COX7A1: variants seen among roughly 807,000 people sequenced by gnomAD.
The protein encoded by COX7A1 is cytochrome c oxidase subunit 7A1, mitochondrial.
A neutral mutation model predicts 13.2 loss-of-function variants in COX7A1; 21 were observed. The observed-to-expected ratio is 1.59, with a 90% confidence interval of 1.13 to 2.29. COX7A1 has a LOEUF of 2.29. COX7A1 is among the 30% of genes most tolerant of loss of function. The probability of loss-of-function intolerance (pLI) is 0.00; values close to 1 mark genes in which losing one functional copy is unlikely to be tolerated. For synonymous variants in COX7A1, 41 were observed against 41.9 expected (o/e 0.98, Z 0.08); for missense variants, 107 against 100.0 (o/e 1.07, Z -0.30).
intron 3 of COX7A1, among the ~76,000 whole-genome samples, 169 bp downstream of exon 3, chr19:36,151,293 A>G (rs2145938591): frequency 6.6e-6 from 1 of 151,440 alleles, no homozygotes; most frequent in Non-Finnish European, 1.5e-5. Flanking sequence ...AAGAGCCCAA[A>G]CCCTAGTTAC....
intron 1 of COX7A1, 73 bp downstream of exon 1, chr19:36,152,320 G>A (rs1292830947): frequency 9.7e-6 from 11 of 1,132,334 alleles, no homozygotes; most frequent in Non-Finnish European, 1.2e-6. Flanking sequence ...AGATGCGGGG[G>A]CACTTGGAGA....
Position 36,151,654 on chromosome 19 carries a change from CCCCCGA to C in COX7A1, c.102+9_102+14del. The C allele has an allele frequency of 3.0e-5, 43 of 1,428,916 alleles. No homozygotes were observed. The highest frequency in any genetic ancestry group is 3.5e-5 in the Non-Finnish European group (37 of 1,055,896). The allele number at this position is 1,428,916 out of a possible 1,614,324, so 88.5% of individuals were successfully genotyped here. A position where few individuals can be genotyped will look rare whatever the true frequency, so the allele number is the denominator to read the frequency against. On this transcript the variant is annotated intron_variant, in intron 2 of 3. Transcript: ENST00000292907. ...CGGCTGGCGCGTCGGATCCCCACCC[CCCCCGA>C]CCCCCCACCTGGAAGAGCTTCTGTT...
In COX7A1 at chr19:36,151,437, C is replaced by A. The variant is rs185906339; in HGVS notation, c.187+25G>T. 5.1e-4 allele frequency: 828 copies of A among 1,613,406 alleles called. 7 individuals are homozygous for A. In the African/African-American group the frequency reaches 9.7e-3, roughly 19 times the overall value. On this transcript the variant is annotated intron_variant, in intron 3 of 3. Transcript: ENST00000292907. ...TCTGGGTCCAGCCCCGCCTCCCCCG[C>A]AGCCCAGACGGGCCCTGCGCTCACC...
Position 36,152,442 on chromosome 19 carries a change from T to A in COX7A1, c.-35A>T. ...TCCTCTTCCGCCGGAGTCACCTCCC[T>A]TCTCCGCCCAAGGACACGCGTAGTC... On this transcript the variant is annotated 5_prime_UTR_variant, in exon 1 of 4. In the 5' UTR this introduces an upstream ATG that the reference lacks. Coordinates refer to ENST00000292907, the MANE Select transcript of COX7A1 (RefSeq NM_001864.4). 1.5e-6 allele frequency: 2 copies of A among 1,330,380 alleles called. No individual in the cohort carries two copies. The highest frequency in any genetic ancestry group is 1.9e-6 in the Non-Finnish European group (2 of 1,028,922). The allele number at this position is 1,330,380 out of a possible 1,614,324, so 82.4% of individuals were successfully genotyped here.
chr19:36,151,908 G>T (rs1054290823), intron 1 of COX7A1, 153 bp from the exon 2 acceptor site: 4 of 778,256 alleles, frequency 5.1e-6, no homozygotes, highest in South Asian at 1.5e-5. Context: ...TGTTACCCGC[G>T]AACTGCCAGC....
intron 1 of COX7A1, chr19:36,152,083 C>T: frequency 1.7e-6 from 1 of 594,412 alleles, no homozygotes. Context: ...AACCAGGTCC[C>T]GGGAACGTGG....
In COX7A1 at chr19:36,151,824, C is replaced by T. The variant is rs1305374241; in HGVS notation, c.16-69G>A. ...GTGTCCTGAAGTGGGACCCCGCTCT[C>T]TGAGGCCTGGACGTGGGGACAGCCC... On this transcript the variant is annotated intron_variant, in intron 1 of 3. Transcript: ENST00000292907. 2.2e-6 allele frequency: 3 copies of T among 1,348,032 alleles called. No homozygotes were observed. In the African/African-American group the frequency reaches 4.3e-5, roughly 20 times the overall value. The allele number at this position is 1,348,032 out of a possible 1,614,324, so 83.5% of individuals were successfully genotyped here.
In COX7A1 at chr19:36,151,557, G is replaced by A. The variant is rs769604961; in HGVS notation, c.103-11C>T. ...GATGTCATTGTCCTCCTGGATGTGG[G>A]GGTGTCTGATGAGAAAGGGGTGCTG... is the stretch of plus-strand genomic sequence containing the variant. On this transcript the variant is annotated splice_polypyrimidine_tract_variant and intron_variant, in intron 2 of 3. Transcript: ENST00000292907. 5.6e-6 allele frequency: 9 copies of A among 1,614,158 alleles called. No homozygotes were observed. Among genetic ancestry groups the A allele is most frequent in the Non-Finnish European group, 7.6e-6 (9 of 1,180,000 alleles).
Position 36,151,651 on chromosome 19 carries a change from C to T in COX7A1, c.102+18G>A, listed in dbSNP as rs745397036. The T allele has an allele frequency of 1.1e-5, 14 of 1,283,740 alleles. 1 individual carries two copies. In the East Asian group the frequency reaches 2.4e-4, roughly 22 times the overall value. The allele number at this position is 1,283,740 out of a possible 1,614,324, so 79.5% of individuals were successfully genotyped here. A position where few individuals can be genotyped will look rare whatever the true frequency, so the allele number is the denominator to read the frequency against. On this transcript the variant is annotated intron_variant, in intron 2 of 3. Coordinates refer to ENST00000292907, the MANE Select transcript of COX7A1 (RefSeq NM_001864.4). ...TCCCGGCTGGCGCGTCGGATCCCCACCCCCCCCGACCCCCCACCTGGAAGA... is the reference window on the plus strand; with the variant it reads ...TCCCGGCTGGCGCGTCGGATCCCCATCCCCCCCGACCCCCCACCTGGAAGA...
In COX7A1 at chr19:36,151,697, CG is replaced by C; in HGVS notation, c.73del (p.Arg25GlufsTer19). The C allele has an allele frequency of 6.2e-7, 1 of 1,601,592 alleles. No individual in the cohort carries two copies. On this transcript the variant is annotated frameshift_variant, in exon 2 of 4. Coordinates refer to ENST00000292907, the MANE Select transcript of COX7A1 (RefSeq NM_001864.4). LOFTEE classifies it high-confidence loss of function. ...SSTARNRFQN[R>X]VREKQKLFQE... ...GAAGAGCTTCTGTTTCTCGCGCACT[CG>C]GTTCTGAAAGCGGTTCCGGGCGGTG...
intron 2 of COX7A1, 24 bp from the exon 3 acceptor site, chr19:36,151,570 G>A: frequency 6.2e-7 from 1 of 1,613,962 alleles, no homozygotes. Flanking sequence ...TGTCTGATGA[G>A]AAAGGGGTGC....
At chr19:36,151,930 G>A (rs1175927299) in intron 1 of COX7A1, 175 bp from the exon 2 acceptor site, 1 of 738,684 alleles carries the variant, frequency 1.4e-6, no homozygotes, top group Non-Finnish European at 2.5e-6. Context: ...GGGTTGGGAG[G>A]GGACTCGCCC....
Position 36,151,495 on chromosome 19 carries a change from G to C in COX7A1, c.154C>G (p.Leu52Val), listed in dbSNP as rs372980477. Reference sequence around the variant, plus strand: ...CACAGCGTCATTGTCACTCGGTACAGGATGTTGTCAACGATGCCGCCCTTC... The same window carrying C: ...CACAGCGTCATTGTCACTCGGTACACGATGTTGTCAACGATGCCGCCCTTC... ...YLKGGIVDNI[L>V]YRVTMTLCLG... The change falls in exon 3 of 4, where the codon CTG (leucine) becomes GTG (valine). Residue 52 changes from leucine to valine, a missense_variant. Coordinates refer to ENST00000292907, the MANE Select transcript of COX7A1 (RefSeq NM_001864.4). 6 of 1,614,104 alleles carry C rather than the reference G, an allele frequency of 3.7e-6. No individual in the cohort carries two copies. Among genetic ancestry groups the C allele is most frequent in the Non-Finnish European group, 4.2e-6 (5 of 1,179,904 alleles).
rs371700119 is a variant in COX7A1, at chr19:36,151,656, C to A, written c.102+13G>T. On this transcript the variant is annotated intron_variant, in intron 2 of 3. Coordinates refer to ENST00000292907, the MANE Select transcript of COX7A1 (RefSeq NM_001864.4). ...GCTGGCGCGTCGGATCCCCACCCCCCCCGACCCCCCACCTGGAAGAGCTTC... is the reference window on the plus strand; with the variant it reads ...GCTGGCGCGTCGGATCCCCACCCCCACCGACCCCCCACCTGGAAGAGCTTC... 5.9e-4 allele frequency: 852 copies of A among 1,451,556 alleles called. 19 individuals are homozygous for A. In the African/African-American group the frequency reaches 0.012, roughly 20 times the overall value. 89.9% of individuals were successfully genotyped at this position (1,451,556 alleles called of 1,614,324 possible).
intron 2 of COX7A1, 24 bp downstream of exon 2, chr19:36,151,645 T>TCCCCCCC: frequency 7.2e-6 from 10 of 1,387,604 alleles, no homozygotes; most frequent in Non-Finnish European, 9.9e-6. Context: ...GCGCGTCGGA[T>TCCCCCCC]CCCCACCCCC....
intron 3 of COX7A1, 113 bp downstream of exon 3, chr19:36,151,349 C>T (rs1974764438): frequency 6.0e-6 from 7 of 1,176,140 alleles, no homozygotes; most frequent in Non-Finnish European, 7.4e-6. Flanking sequence ...CGACCCCCTT[C>T]CTAAACGCCA....
rs1974773256 is a variant in COX7A1, at chr19:36,151,662, C to T, written c.102+7G>A. 2 of 1,576,692 alleles carry T rather than the reference C, an allele frequency of 1.3e-6. No homozygotes were observed. The highest frequency in any genetic ancestry group is 1.7e-6 in the Non-Finnish European group (2 of 1,156,292). On this transcript the variant is annotated splice_region_variant and intron_variant, in intron 2 of 3. Coordinates refer to ENST00000292907, the MANE Select transcript of COX7A1 (RefSeq NM_001864.4). ...GCGTCGGATCCCCACCCCCCCCGAC[C>T]CCCCACCTGGAAGAGCTTCTGTTTC...
intron 1 of COX7A1, 119 bp from the exon 2 acceptor site, chr19:36,151,874 C>A: frequency 1.1e-6 from 1 of 913,754 alleles, no homozygotes; most frequent in Non-Finnish European, 1.8e-6. Context: ...GTCCCAAAGG[C>A]GAGGAGGGTA....
intron 1 of COX7A1, 45 bp from the exon 2 acceptor site, chr19:36,151,800 T>G (rs778468977): frequency 6.7e-7 from 1 of 1,499,824 alleles, no homozygotes; most frequent in Non-Finnish European, 9.1e-7. Flanking sequence ...CCTGGAGGGG[T>G]GTCCTGAAGT....
Sources: allele counts gnomAD v4.1 joint callset (sites outside exome capture counted in the v4.1 genomes callset), GRCh38; gene constraint gnomAD v4.1.1; transcripts MANE v1.5; gene names NCBI Gene and HGNC (gene_info 2026-07-23, HGNC 2026-07-21).